The following INPP4A variants were observed in gnomAD, a reference collection of about 807,000 sequenced individuals.
INPP4A encodes inositol polyphosphate-4-phosphatase type I A.
Under a neutral mutation model 119.8 loss-of-function variants are expected in INPP4A, and 33 were observed. That is an observed-to-expected ratio of 0.28 (90% CI 0.21 to 0.37). The LOEUF is 0.37. Ranked by LOEUF, INPP4A falls within the 10% of genes least tolerant of loss-of-function variation. INPP4A has a pLI of 1.00. For missense variants in INPP4A, 956 were observed against 1,289.9 expected (o/e 0.74, Z 3.97); for synonymous variants, 496 against 500.7 (o/e 0.99, Z 0.12).
chr2:98,500,590 A>G (rs1416978566), intron 1 of INPP4A, among the ~76,000 whole-genome samples: 1 of 152,184 alleles, frequency 6.6e-6, no homozygotes, highest in East Asian at 1.9e-4. Context: ...CAGCACGGGC[A>G]AGTGGGAATT....
intron 1 of INPP4A, among the ~76,000 whole-genome samples, chr2:98,466,148 C>G (rs144524125): frequency 6.6e-6 from 1 of 152,204 alleles, no homozygotes; most frequent in Non-Finnish European, 1.5e-5. Flanking sequence ...TGGATTCAAG[C>G]GATTCTCCTG....
intron 1 of INPP4A, among the ~76,000 whole-genome samples, chr2:98,447,272 A>T (rs998484692): frequency 6.6e-6 from 1 of 152,256 alleles, no homozygotes; most frequent in African/African-American, 2.4e-5. Flanking sequence ...TGAGAAAAAA[A>T]TAGCACAAAT....
intron 13 of INPP4A, among the ~76,000 whole-genome samples, chr2:98,548,262 A>G (rs1225831587): frequency 6.6e-6 from 1 of 152,220 alleles, no homozygotes; most frequent in Non-Finnish European, 1.5e-5. Context: ...CAGACAACCT[A>G]CTTGACTTTG....
At chr2:98,581,728 A>G in intron 24 of INPP4A, 1 of 1,609,538 alleles carries the variant, frequency 6.2e-7, no homozygotes, top group Non-Finnish European at 8.5e-7. Flanking sequence ...AGCATAGCAT[A>G]CCTGGTGACC....
chr2:98,535,658 G>A, intron 5 of INPP4A, 71 bp from the exon 6 acceptor site: 2 of 683,382 alleles, frequency 2.9e-6, no homozygotes, highest in East Asian at 2.9e-5. Flanking sequence ...TGAAAATGTT[G>A]GTGTATTTCA....
chr2:98,587,463 G>A lies in INPP4A; in HGVS notation c.2787-13G>A. 6 of 1,558,374 alleles carry A rather than the reference G, an allele frequency of 3.9e-6. No homozygotes were observed. The highest frequency in any genetic ancestry group is 5.2e-6 in the Non-Finnish European group (6 of 1,155,150). ...TTTACTGCCGTCATTTCTTGTGCTT[G>A]TTTTTTCCCCAGTGAGGGTTGTCGA... On this transcript the variant is annotated splice_polypyrimidine_tract_variant and intron_variant, in intron 24 of 24. Transcript: ENST00000409851.
intron 1 of INPP4A, among the ~76,000 whole-genome samples, chr2:98,485,510 C>T (rs577378322): frequency 6.6e-6 from 1 of 152,158 alleles, no homozygotes; most frequent in African/African-American, 2.4e-5. Flanking sequence ...CTAGGTTGGC[C>T]ACAGTCAGAT....
intron 13 of INPP4A, among the ~76,000 whole-genome samples, chr2:98,551,667 G>A (rs946790635): frequency 6.6e-6 from 1 of 152,132 alleles, no homozygotes; most frequent in Non-Finnish European, 1.5e-5. Context: ...GGTGAGAGGT[G>A]CCCTCGCTCC....
intron 1 of INPP4A, among the ~76,000 whole-genome samples, chr2:98,514,502 C>T (rs938971838): frequency 6.6e-6 from 1 of 152,020 alleles, no homozygotes; most frequent in African/African-American, 2.4e-5. Flanking sequence ...GATTAGAGGG[C>T]TGGAATTTAC....
Position 98,485,274 on chromosome 2 carries a change from G to A in INPP4A, c.-165-33690G>A, listed in dbSNP as rs142333969. Reference sequence around the variant, plus strand: ...AAATAAAAACCTGTTATAATCATGCGGTCTGGTTGCAGCGTGAAATATGTT... The same window carrying A: ...AAATAAAAACCTGTTATAATCATGCAGTCTGGTTGCAGCGTGAAATATGTT... On this transcript the variant is annotated intron_variant, in intron 1 of 24. Transcript: ENST00000409851. Among the ~76,000 whole-genome samples the A allele has an allele frequency of 6.1e-4, 93 of 152,278 alleles. 1 individual carries two copies. In the East Asian group the frequency reaches 0.01, roughly 16 times the overall value.
chr2:98,572,904 G>T lies in INPP4A; in HGVS notation c.2608G>T (p.Asp870Tyr), dbSNP rs1697732595. The T allele has an allele frequency of 6.4e-7, 1 of 1,574,790 alleles. No homozygotes were observed. The highest frequency in any genetic ancestry group is 2.3e-5 in the East Asian group (1 of 42,726). Residue 870 changes from aspartate (D) to tyrosine (Y), a missense_variant, in exon 23 of 25, where the codon GAC becomes TAC. Physicochemically the swap from Asp to Tyr is radical, Grantham distance 160 (BLOSUM62 -3). Around this residue, in one of 2 missense-constraint regions of INPP4A, gnomAD observed 304 missense variants for 492.1 expected, o/e 0.62. Coordinates refer to ENST00000409851, the MANE Select transcript of INPP4A (RefSeq NM_001134225.2). ...NVHARKNKNV[D>Y]ILWQAAEICR... The stretch of plus-strand genomic sequence containing the variant: ...GCATGCCCGGAAGAATAAGAACGTC[G>T]ACATTCTCTGGCAAGCTGCTGAGGT...
chr2:98,470,892 T>A lies in INPP4A; in HGVS notation c.-166+25807T>A, dbSNP rs550929822. ...CATGTTAGCCAGGCTGATCTCGAAC[T>A]CCTGACCTGGTGATCCACCCACCTT... On this transcript the variant is annotated intron_variant, in intron 1 of 24. Transcript: ENST00000409851. 1.9e-3 allele frequency among the ~76,000 whole-genome samples: 292 copies of A among 152,262 alleles called. 1 individual carries two copies. Among genetic ancestry groups the A allele is most frequent in the Non-Finnish European group, 3.7e-3 (255 of 68,018 alleles).
chr2:98,446,030 A>G (rs557129525), intron 1 of INPP4A, among the ~76,000 whole-genome samples: 1 of 152,330 alleles, frequency 6.6e-6, no homozygotes, highest in African/African-American at 2.4e-5. Context: ...TGACTGGTCC[A>G]TCTGTTCACA....
rs112694343 is a variant in INPP4A, at chr2:98,493,478, G to A, written c.-165-25486G>A. On this transcript the variant is annotated intron_variant, in intron 1 of 24. Transcript: ENST00000409851. Reference sequence around the variant, plus strand: ...GTTTCCCTCTGTCATCCATGCTGCAGCCTCAACCTCCCAGGCTCGAGATCC... The same window carrying A: ...GTTTCCCTCTGTCATCCATGCTGCAACCTCAACCTCCCAGGCTCGAGATCC... Among the ~76,000 whole-genome samples, 542 of 139,704 alleles carry A rather than the reference G, an allele frequency of 3.9e-3. 6 individuals are homozygous for A. The highest frequency in any genetic ancestry group is 0.014 in the African/African-American group (524 of 37,444). The allele number at this position is 139,704 out of a possible 152,430, so 91.7% of individuals were successfully genotyped here.
At chr2:98,565,948 C>A in intron 20 of INPP4A, 81 bp from the exon 21 acceptor site, 1 of 1,525,370 alleles carries the variant, frequency 6.6e-7, no homozygotes, top group Non-Finnish European at 8.8e-7. Context: ...ATCACTAAGC[C>A]AGAGGGCCAG....
intron 23 of INPP4A, among the ~76,000 whole-genome samples, chr2:98,574,375 C>T (rs1575151822): frequency 1.3e-5 from 2 of 152,010 alleles, no homozygotes; most frequent in South Asian, 2.1e-4. Context: ...CGGTGGCTCA[C>T]GCCTGTAATC....
chr2:98,538,073 G>T, intron 8 of INPP4A, 99 bp downstream of exon 8: 1 of 773,742 alleles, frequency 1.3e-6, no homozygotes, highest in South Asian at 1.7e-5. Flanking sequence ...CTCAGCAAAG[G>T]GCAGGGCCTG....
At chr2:98,532,062 G>A (rs944746015) in intron 4 of INPP4A, among the ~76,000 whole-genome samples, 1 of 152,212 alleles carries the variant, frequency 6.6e-6, no homozygotes, top group South Asian at 2.1e-4. Flanking sequence ...GTGAACAGTG[G>A]TTAGTTAGAT....
intron 1 of INPP4A, among the ~76,000 whole-genome samples, chr2:98,446,308 T>G (rs1222960825): frequency 6.6e-6 from 1 of 152,256 alleles, no homozygotes; most frequent in Non-Finnish European, 1.5e-5. Context: ...ATTTTGTTTT[T>G]GGATCTAGGC....
Sources: gnomAD v4.1 joint callset for allele counts (sites outside exome capture counted in the v4.1 genomes callset) on GRCh38, gnomAD v4.1.1 for gene constraint, gnomAD v4.1.1 regional missense constraint, MANE v1.5 for transcripts, NCBI Gene and HGNC (gene_info 2026-07-23, HGNC 2026-07-21) for gene names.